The following NELL2 variants were observed in gnomAD, a reference collection of about 807,000 sequenced individuals.
NELL2 encodes neural EGFL like 2.
A neutral mutation model predicts 109.6 loss-of-function variants in NELL2; 41 were observed. The ratio of observed to expected loss-of-function variants is 0.37; its 90% CI spans 0.29 to 0.49. NELL2 has a LOEUF of 0.49. NELL2 is among the 20% of genes least tolerant of loss of function. NELL2 has a pLI of 0.98. For missense variants in NELL2, 900 were observed against 1,008.3 expected (o/e 0.89, Z 1.45); for synonymous variants, 355 against 344.7 (o/e 1.03, Z -0.33).
chr12:44,716,244 T>C (rs1302793825), intron 9 of NELL2, among the ~76,000 whole-genome samples: 1 of 152,192 alleles, frequency 6.6e-6, no homozygotes. Context: ...ATGGAAACCA[T>C]GCACGTTTTT....
chr12:44,915,226 C>T (rs985619372), upstream of NELL2, among the ~76,000 whole-genome samples: 1 of 152,098 alleles, frequency 6.6e-6, no homozygotes. Context: ...ATGCACTTTG[C>T]TGGAAACACA....
chr12:44,742,717 A>C (rs1183608566), intron 9 of NELL2, among the ~76,000 whole-genome samples: 1 of 152,216 alleles, frequency 6.6e-6, no homozygotes, highest in Non-Finnish European at 1.5e-5. Flanking sequence ...GGAAGACAAA[A>C]TGAATGAAAT....
intron 13 of NELL2, among the ~76,000 whole-genome samples, chr12:44,641,689 CTTTTTTTTTT>C (rs71093817): frequency 6.2e-5 from 5 of 80,626 alleles, no homozygotes; most frequent in Non-Finnish European, 9.0e-5. Context: ...CTAGTTTCTC[CTTTTTTTTTT>C]TTTTTTTTTT....
intron 15 of NELL2, among the ~76,000 whole-genome samples, chr12:44,593,797 G>A (rs1032953077): frequency 6.6e-6 from 1 of 152,186 alleles, no homozygotes; most frequent in Non-Finnish European, 1.5e-5. Flanking sequence ...TTTGAAGTCA[G>A]GTAGCATGGT....
At chr12:44,617,670 C>T (rs1435779981) in intron 13 of NELL2, among the ~76,000 whole-genome samples, 5 of 65,256 alleles carry the variant, frequency 7.7e-5, no homozygotes, top group South Asian at 4.0e-4. Context: ...CCAGCCTGGG[C>T]GACAGAGCGA....
In NELL2 at chr12:44,665,433, A is replaced by G. The variant is rs1947889720; in HGVS notation, c.1444+51T>C. 7 of 1,501,494 alleles carry G rather than the reference A, an allele frequency of 4.7e-6. No individual in the cohort carries two copies. In the Admixed American group the frequency reaches 6.3e-5, roughly 14 times the overall value. 93.0% of individuals were successfully genotyped at this position (1,501,494 alleles called of 1,614,324 possible). A position where few individuals can be genotyped will look rare whatever the true frequency, so the allele number is the denominator to read the frequency against. On this transcript the variant is annotated intron_variant, in intron 13 of 19. Transcript: ENST00000429094. The stretch of plus-strand genomic sequence containing the variant: ...AATGAGAGTCAAAGAAATTTTTAAA[A>G]GTAAACTTAAGACATAAAAATATTT...
At chr12:44,578,948 G>A (rs549988366) in intron 15 of NELL2, among the ~76,000 whole-genome samples, 17 of 152,140 alleles carry the variant, frequency 1.1e-4, no homozygotes, top group African/African-American at 4.1e-4. Flanking sequence ...TTTTCTCAAA[G>A]GCATTTCTCA....
chr12:44,741,097 G>A (rs617006), intron 9 of NELL2, among the ~76,000 whole-genome samples: 3 of 151,912 alleles, frequency 2.0e-5, no homozygotes, highest in African/African-American at 7.3e-5. Context: ...ACAGCTGGAC[G>A]AACTCTTCCT....
intron 3 of NELL2, 133 bp from the exon 4 acceptor site, chr12:44,780,155 A>G: frequency 1.1e-6 from 1 of 877,226 alleles, no homozygotes; most frequent in South Asian, 1.7e-5. Context: ...CATCATATAC[A>G]AAACAAACAC....
chr12:44,780,101 G>A (rs1122351), intron 3 of NELL2, 79 bp from the exon 4 acceptor site: 299,764 of 1,461,562 alleles, frequency 0.21, 32,323 homozygotes, highest in Admixed American at 0.29. Flanking sequence ...CTACGGGATG[G>A]AATAGATGTA....
chr12:44,681,344 T>C (rs1382810036), intron 12 of NELL2, among the ~76,000 whole-genome samples: 1 of 149,770 alleles, frequency 6.7e-6, no homozygotes, highest in Non-Finnish European at 1.5e-5. Context: ...TTTAAGAGCT[T>C]CTTAAAAGCT....
In NELL2 at chr12:44,821,919, T is replaced by TTATC. The variant is rs1321221895; in HGVS notation, c.185-5784_185-5783insGATA. ...TTTATTTATTTATTTATTTATTTAT[T>TTATC]TATTTATTTATTTTGGTATTTTTTT... On this transcript the variant is annotated intron_variant, in intron 2 of 19. Transcript: ENST00000429094. Among the ~76,000 whole-genome samples, 17 of 150,554 alleles carry TTATC rather than the reference T, an allele frequency of 1.1e-4. No homozygotes were observed. The South Asian group carries it at 2.9e-3, about 26-fold the overall frequency.
chr12:44,890,629 C>T (rs1945522623), intron 1 of NELL2, among the ~76,000 whole-genome samples: 3 of 152,128 alleles, frequency 2.0e-5, no homozygotes, highest in Admixed American at 6.5e-5. Context: ...TTTTTCAGGT[C>T]ACCTCCAGTT....
intron 2 of NELL2, among the ~76,000 whole-genome samples, chr12:44,846,829 A>G (rs1944385439): frequency 6.6e-6 from 1 of 152,210 alleles, no homozygotes; most frequent in Admixed American, 6.5e-5. Flanking sequence ...CTCTCTATGT[A>G]TGACACATAC....
intron 15 of NELL2, among the ~76,000 whole-genome samples, chr12:44,582,566 T>C (rs1223934110): frequency 6.6e-6 from 1 of 152,022 alleles, no homozygotes; most frequent in Non-Finnish European, 1.5e-5. Context: ...TACTATGGCA[T>C]ATGAGATGAA....
rs368632607 is a variant in NELL2, at chr12:44,518,578, AGTT to A, written c.2400+1424_2400+1426del. On this transcript the variant is annotated intron_variant, in intron 19 of 19. Coordinates refer to ENST00000429094, the MANE Select transcript of NELL2 (RefSeq NM_001145108.2). ...ATTCTTTACCCCAGAAAACAGTCTG[AGTT>A]GTTTTCCTGCCTATTACTGTATGCA... 4.3e-4 allele frequency among the ~76,000 whole-genome samples: 66 copies of A among 152,268 alleles called. 1 individual carries two copies. The highest frequency in any genetic ancestry group is 3.4e-3 in the Middle Eastern group (1 of 292).
At chr12:44,620,200 C>T (rs1038554480) in intron 13 of NELL2, among the ~76,000 whole-genome samples, 2 of 144,696 alleles carry the variant, frequency 1.4e-5, no homozygotes, top group Non-Finnish European at 3.0e-5. Flanking sequence ...TCTTAGGAAA[C>T]AAAATGTACT....
At chr12:44,794,359 G>A (rs542972071) in intron 3 of NELL2, among the ~76,000 whole-genome samples, 5 of 152,296 alleles carry the variant, frequency 3.3e-5, no homozygotes, top group Non-Finnish European at 7.4e-5. Flanking sequence ...AAGGGCTCAT[G>A]TCTTCCCTCT....
intron 1 of NELL2, among the ~76,000 whole-genome samples, chr12:44,902,602 C>T (rs1357693175): frequency 2.6e-5 from 4 of 152,150 alleles, no homozygotes; most frequent in African/African-American, 9.7e-5. Flanking sequence ...CAAGACAATC[C>T]TAAGCAAAAA....
Sources: allele counts gnomAD v4.1 joint callset (sites outside exome capture counted in the v4.1 genomes callset), GRCh38; gene constraint gnomAD v4.1.1; transcripts MANE v1.5; gene names NCBI Gene and HGNC (gene_info 2026-07-23, HGNC 2026-07-21).